Variants in NKAIN2 observed in about 807,000 individuals in gnomAD.
NKAIN2 encodes sodium/potassium transporting ATPase interacting 2, also known as sodium/potassium-transporting ATPase subunit beta-1-interacting protein 2.
In NKAIN2, 14 loss-of-function variants were observed where a neutral mutation model predicts 32.6. The ratio of observed to expected loss-of-function variants is 0.43; its 90% CI spans 0.28 to 0.67. The LOEUF (loss-of-function observed/expected upper bound fraction) is 0.67. Ranked by LOEUF, NKAIN2 falls within the 30% of genes least tolerant of loss-of-function variation. The pLI, the probability that NKAIN2 is intolerant of heterozygous loss-of-function variation, is 0.17. For missense variants in NKAIN2, 198 were observed against 258.3 expected (o/e 0.77, Z 1.60); for synonymous variants, 80 against 87.2 (o/e 0.92, Z 0.46).
intron 1 of NKAIN2, among the ~76,000 whole-genome samples, chr6:123,906,350 ATGGCTCAC>A (rs150578968): frequency 6.6e-6 from 1 of 151,062 alleles, no homozygotes; most frequent in African/African-American, 2.4e-5. Context: ...TGGTGCGATC[ATGGCTCAC>A]TGGCTCACTG....
intron 1 of NKAIN2, among the ~76,000 whole-genome samples, chr6:124,063,675 C>T (rs528905259): frequency 6.6e-6 from 1 of 152,016 alleles, no homozygotes; most frequent in Non-Finnish European, 1.5e-5. Flanking sequence ...AAATCCAGAA[C>T]TATATATTTG....
chr6:124,087,519 A>G (rs1394103606), intron 1 of NKAIN2, among the ~76,000 whole-genome samples: 1 of 151,976 alleles, frequency 6.6e-6, no homozygotes, highest in African/African-American at 2.4e-5. Context: ...TAGAAAATCT[A>G]AAAGAATTGA....
At chr6:124,779,282 AG>A (rs1779136858) in intron 4 of NKAIN2, among the ~76,000 whole-genome samples, 37 of 87,356 alleles carry the variant, frequency 4.2e-4, no homozygotes, top group African/African-American at 8.7e-4. Flanking sequence ...AGAGAGAGAG[AG>A]GAAGGCAGGA....
At chr6:124,420,232 G>C (rs931715343) in intron 3 of NKAIN2, among the ~76,000 whole-genome samples, 1 of 152,038 alleles carries the variant, frequency 6.6e-6, no homozygotes, top group Non-Finnish European at 1.5e-5. Flanking sequence ...CTTTTGTTCT[G>C]ACACTTGAAG....
intron 6 of NKAIN2, among the ~76,000 whole-genome samples, chr6:124,820,067 TTC>T (rs1232177331): frequency 6.6e-6 from 1 of 152,162 alleles, no homozygotes; most frequent in Non-Finnish European, 1.5e-5. Flanking sequence ...CCTCTAATAT[TTC>T]TTTTATTTCT....
At chr6:123,810,333 A>C (rs1038757192) in intron 1 of NKAIN2, among the ~76,000 whole-genome samples, 1 of 152,086 alleles carries the variant, frequency 6.6e-6, no homozygotes, top group Non-Finnish European at 1.5e-5. Flanking sequence ...TTCTTAAAGA[A>C]AGTAAGTACC....
chr6:123,812,064 G>A (rs1417564458), intron 1 of NKAIN2, among the ~76,000 whole-genome samples: 1 of 151,172 alleles, frequency 6.6e-6, no homozygotes, highest in Non-Finnish European at 1.5e-5. Context: ...CCACCCTCAA[G>A]GGTCACAGTG....
chr6:123,998,491 A>C (rs1198942688), intron 1 of NKAIN2, among the ~76,000 whole-genome samples: 2 of 152,108 alleles, frequency 1.3e-5, no homozygotes, highest in Non-Finnish European at 2.9e-5. Flanking sequence ...GAAATCGAAA[A>C]CCTGAAAAAT....
In NKAIN2 at chr6:123,976,361, A is replaced by G. The variant is rs1190026795; in HGVS notation, c.54+172107A>G. 3.6e-4 allele frequency among the ~76,000 whole-genome samples: 9 copies of G among 24,978 alleles called. 1 individual carries two copies. The highest frequency in any genetic ancestry group is 1.8e-3 in the East Asian group (1 of 546). The allele number at this position is 24,978 out of a possible 152,430, so 16.4% of individuals were successfully genotyped here. The stretch of plus-strand genomic sequence containing the variant: ...TATATATGTTCCCATATATATATAT[A>G]TATATATTCCCATATATATATATAT... On this transcript the variant is annotated intron_variant, in intron 1 of 6. Transcript: ENST00000368417.
At chr6:123,956,432 GCA>G (rs1562277230) in intron 1 of NKAIN2, among the ~76,000 whole-genome samples, 1 of 152,092 alleles carries the variant, frequency 6.6e-6, no homozygotes, top group Non-Finnish European at 1.5e-5. Flanking sequence ...AAACACCAGC[GCA>G]CACTCTCTCT....
At chr6:124,334,710 C>A (rs919404114) in intron 2 of NKAIN2, among the ~76,000 whole-genome samples, 1 of 139,226 alleles carries the variant, frequency 7.2e-6, no homozygotes, top group Non-Finnish European at 1.5e-5. Flanking sequence ...AGTGATCTTG[C>A]GGCATCTAGC....
chr6:124,000,958 T>G (rs577767507), intron 1 of NKAIN2, among the ~76,000 whole-genome samples: 109 of 152,184 alleles, frequency 7.2e-4, no homozygotes, highest in African/African-American at 2.6e-3. Context: ...TGTAAAAGCT[T>G]GTTCACCATT....
chr6:124,022,787 C>T (rs1780925832), intron 1 of NKAIN2, among the ~76,000 whole-genome samples: 1 of 152,084 alleles, frequency 6.6e-6, no homozygotes, highest in South Asian at 2.1e-4. Flanking sequence ...ATTTGCCCAT[C>T]CTTTCTTTCC....
At chr6:124,291,660 C>G (rs1795821257) in intron 2 of NKAIN2, among the ~76,000 whole-genome samples, 1 of 152,134 alleles carries the variant, frequency 6.6e-6, no homozygotes, top group African/African-American at 2.4e-5. Flanking sequence ...CATACCCAGA[C>G]AGCCTATCAC....
At chr6:124,450,680 G>C (rs934406755) in intron 3 of NKAIN2, among the ~76,000 whole-genome samples, 1 of 151,716 alleles carries the variant, frequency 6.6e-6, no homozygotes, top group African/African-American at 2.4e-5. Flanking sequence ...TCTGAGATTG[G>C]AAAAGCATTT....
chr6:124,791,324 T>C lies in NKAIN2; in HGVS notation c.475-15T>C. The C allele has an allele frequency of 6.2e-7, 1 of 1,603,886 alleles. No individual in the cohort carries two copies. Among genetic ancestry groups the C allele is most frequent in the Non-Finnish European group, 8.5e-7 (1 of 1,172,116 alleles). ...GCCTTTTTCTGATGTCTAAAGCATC[T>C]CTGTTTTGTTTCAGCTGGCAGGTTT... On this transcript the variant is annotated splice_polypyrimidine_tract_variant and intron_variant, in intron 4 of 6. Coordinates refer to ENST00000368417, the MANE Select transcript of NKAIN2 (RefSeq NM_001040214.3).
intron 3 of NKAIN2, among the ~76,000 whole-genome samples, chr6:124,494,888 C>T (rs531095585): frequency 7.9e-4 from 120 of 152,142 alleles, no homozygotes; most frequent in Non-Finnish European, 1.4e-3. Context: ...AAGTAAGGAA[C>T]TCATCATGTG....
intron 3 of NKAIN2, among the ~76,000 whole-genome samples, chr6:124,543,469 A>G (rs1210749706): frequency 6.6e-6 from 1 of 152,200 alleles, no homozygotes; most frequent in Non-Finnish European, 1.5e-5. Flanking sequence ...AACACACTGT[A>G]TCAATCTATG....
At chr6:124,088,821 A>T (rs1430524470) in intron 1 of NKAIN2, among the ~76,000 whole-genome samples, 1 of 152,050 alleles carries the variant, frequency 6.6e-6, no homozygotes. Flanking sequence ...ATAAATTCTG[A>T]ACTCTCATGT....
Sources: allele counts gnomAD v4.1 joint callset (sites outside exome capture counted in the v4.1 genomes callset), GRCh38; gene constraint gnomAD v4.1.1; transcripts MANE v1.5; gene names NCBI Gene and HGNC (gene_info 2026-07-23, HGNC 2026-07-21).